The following GPR63 variants were observed in gnomAD, a reference collection of about 807,000 sequenced individuals.
GPR63 encodes probable G protein-coupled receptor 63.
In GPR63, 12 loss-of-function variants were observed where a neutral mutation model predicts 23.1. The observed-to-expected ratio is 0.52, with a 90% CI of 0.33 to 0.84. The LOEUF (loss-of-function observed/expected upper bound fraction) is 0.84, where lower values mean the gene tolerates loss of function less well. Ranked by LOEUF, GPR63 falls within the 40% of genes least tolerant of loss-of-function variation. The pLI is 0.02. For synonymous variants in GPR63, 172 were observed against 191.1 expected, an observed-to-expected ratio of 0.90 and a Z score of 0.82; for missense variants, 472 against 515.6, an observed-to-expected ratio of 0.92 and a Z score of 0.82.
At chr6:96,828,308 T>A (rs371303937) in intron 1 of GPR63, among the ~76,000 whole-genome samples, 1 of 152,072 alleles carries the variant, frequency 6.6e-6, no homozygotes, top group Non-Finnish European at 1.5e-5. Flanking sequence ...AGAGATCTTA[T>A]TGGATCAGGG....
chr6:96,818,719 A>G (rs960954657), intron 1 of GPR63, among the ~76,000 whole-genome samples: 2 of 152,202 alleles, frequency 1.3e-5, no homozygotes, highest in Admixed American at 6.5e-5. Flanking sequence ...CAAAATATTA[A>G]CACACATCAG....
intron 1 of GPR63, among the ~76,000 whole-genome samples, chr6:96,814,830 A>C (rs1184709161): frequency 6.6e-6 from 1 of 151,880 alleles, no homozygotes; most frequent in Non-Finnish European, 1.5e-5. Context: ...AAAATGACCA[A>C]AAAAAAATGT....
intron 1 of GPR63, among the ~76,000 whole-genome samples, chr6:96,800,166 T>C (rs1356381000): frequency 6.6e-6 from 1 of 152,242 alleles, no homozygotes; most frequent in Admixed American, 6.5e-5. Flanking sequence ...CTGTTAATTT[T>C]TAAAATATTT....
In GPR63 at chr6:96,798,539, C is replaced by T; in HGVS notation, c.1193G>A (p.Gly398Asp). 1.2e-6 allele frequency: 2 copies of T among 1,614,160 alleles called. No homozygotes were observed. The highest frequency in any genetic ancestry group is 1.7e-6 in the Non-Finnish European group (2 of 1,180,034). Residue 398 changes from glycine (G) to aspartate (D), a missense_variant, in exon 2 of 2, where the codon GGT becomes GAT. By Grantham distance (94) the Gly-to-Asp change is moderately conservative (BLOSUM62 -1). Transcript: ENST00000229955. ...KSFKFLPQLP[G>D]HTKRRIRPSA... Reference sequence around the variant, plus strand: ...AGGACGTATCCGTCGCTTTGTGTGACCAGGGAGCTGCGGCAAAAACTTGAA... The same window carrying T: ...AGGACGTATCCGTCGCTTTGTGTGATCAGGGAGCTGCGGCAAAAACTTGAA...
chr6:96,822,832 C>G lies in GPR63; in HGVS notation c.-151+14436G>C, dbSNP rs149515911. Among the ~76,000 whole-genome samples, 7 of 152,274 alleles carry G rather than the reference C, an allele frequency of 4.6e-5. No individual in the cohort carries two copies. The East Asian group carries it at 1.4e-3, about 29-fold the overall frequency. ...CTGTGAAGAAAAACTCAGGATGCTACAAGAGTGAAAAACAGTGAAAACATA... is the reference window on the plus strand; with the variant it reads ...CTGTGAAGAAAAACTCAGGATGCTAGAAGAGTGAAAAACAGTGAAAACATA... On this transcript the variant is annotated intron_variant, in intron 1 of 1. Coordinates refer to ENST00000229955, the MANE Select transcript of GPR63 (RefSeq NM_030784.4).
chr6:96,824,964 A>G (rs1193602004), intron 1 of GPR63, among the ~76,000 whole-genome samples: 1 of 152,226 alleles, frequency 6.6e-6, no homozygotes, highest in Non-Finnish European at 1.5e-5. Flanking sequence ...CGTGCACACA[A>G]TAGTCAGAAA....
In GPR63 at chr6:96,799,007, T is replaced by C; in HGVS notation, c.725A>G (p.Tyr242Cys). 1 of 1,614,084 alleles carries C rather than the reference T, an allele frequency of 6.2e-7. No individual in the cohort carries two copies. Among genetic ancestry groups the C allele is most frequent in the Non-Finnish European group, 8.5e-7 (1 of 1,180,016 alleles). Residue 242 changes from tyrosine (Y) to cysteine (C), a missense_variant, in exon 2 of 2, where the codon TAT (tyrosine) becomes TGT (cysteine). Tyr to Cys is a radical substitution (Grantham distance 194, BLOSUM62 -2). Transcript: ENST00000229955. ...AGAAATGAGAGAAATCAAAATCACA[T>C]AAGCCTGGTAGCCTGGATTGGTTGT... ...GYTTNPGYQA[Y>C]VILISLISFF...
At position 96,799,518 on chromosome 6, in the gene GPR63, C is replaced by T. The variant is rs776471234; in HGVS notation, c.214G>A (p.Ala72Thr). 2 of 1,614,022 alleles carry T rather than the reference C, an allele frequency of 1.2e-6. No individual in the cohort carries two copies. The highest frequency in any genetic ancestry group is 1.7e-6 in the Non-Finnish European group (2 of 1,180,026). ...NSTAVPTTPA[A>T]FKSLNLPLQI... ...AGAGGCAAGTTTAGGCTCTTAAATG[C>T]TGCTGGTGTTGTGGGCACAGCTGTA... Residue 72 changes from alanine to threonine, a missense_variant, in exon 2 of 2, where the codon GCA becomes ACA. Coordinates refer to ENST00000229955, the MANE Select transcript of GPR63 (RefSeq NM_030784.4).
chr6:96,824,742 G>A (rs1774397121), intron 1 of GPR63, among the ~76,000 whole-genome samples: 1 of 152,066 alleles, frequency 6.6e-6, no homozygotes, highest in Non-Finnish European at 1.5e-5. Context: ...AAAGGGTCCA[G>A]TGGGAGGTTG....
At chr6:96,801,768 T>A (rs1015489360) in intron 1 of GPR63, among the ~76,000 whole-genome samples, 1 of 152,228 alleles carries the variant, frequency 6.6e-6, no homozygotes, top group African/African-American at 2.4e-5. Context: ...CTAGATTTTA[T>A]CTATCCTCAC....
At chr6:96,820,038 C>T (rs1774273607) in intron 1 of GPR63, among the ~76,000 whole-genome samples, 1 of 150,334 alleles carries the variant, frequency 6.7e-6, no homozygotes, top group Non-Finnish European at 1.5e-5. Flanking sequence ...GTCTGTGGTA[C>T]ATTCTCCTCC....
chr6:96,824,099 A>G (rs1345083876), intron 1 of GPR63, among the ~76,000 whole-genome samples: 1 of 152,142 alleles, frequency 6.6e-6, no homozygotes, highest in Admixed American at 6.6e-5. Flanking sequence ...TAGGCTAAAG[A>G]CTAGTGTATT....
intron 1 of GPR63, among the ~76,000 whole-genome samples, chr6:96,804,091 C>T (rs1393344198): frequency 6.6e-6 from 1 of 152,184 alleles, no homozygotes; most frequent in Admixed American, 6.5e-5. Flanking sequence ...CAATGCTGGG[C>T]TATCAGGTTA....
intron 1 of GPR63, among the ~76,000 whole-genome samples, chr6:96,831,065 G>C (rs1435371518): frequency 1.3e-5 from 2 of 152,192 alleles, no homozygotes; most frequent in African/African-American, 4.8e-5. Flanking sequence ...TATTTTAAAT[G>C]TTAAGAGTCC....
At chr6:96,827,292 A>G (rs1774467341) in intron 1 of GPR63, among the ~76,000 whole-genome samples, 1 of 152,166 alleles carries the variant, frequency 6.6e-6, no homozygotes, top group African/African-American at 2.4e-5. Flanking sequence ...GGCGTATTAG[A>G]CATAGTTGAA....
At chr6:96,814,911 T>C (rs1774126386) in intron 1 of GPR63, among the ~76,000 whole-genome samples, 1 of 152,214 alleles carries the variant, frequency 6.6e-6, no homozygotes, top group South Asian at 2.1e-4. Flanking sequence ...AGCCAAAATG[T>C]GGATAAGGAA....
intron 1 of GPR63, among the ~76,000 whole-genome samples, chr6:96,818,425 T>G (rs951120716): frequency 4.6e-5 from 7 of 151,994 alleles, no homozygotes; most frequent in African/African-American, 1.5e-4. Flanking sequence ...ATCGCAGCAC[T>G]GTACTCCAGC....
At chr6:96,813,171 A>G (rs1028023168) in intron 1 of GPR63, among the ~76,000 whole-genome samples, 1 of 152,100 alleles carries the variant, frequency 6.6e-6, no homozygotes, top group Non-Finnish European at 1.5e-5. Context: ...TGCAAATAAC[A>G]TGCTTTCATT....
chr6:96,802,284 TA>T (rs1773784931), intron 1 of GPR63, among the ~76,000 whole-genome samples: 1 of 152,188 alleles, frequency 6.6e-6, no homozygotes, highest in African/African-American at 2.4e-5. Context: ...CCCACAACTA[TA>T]AAAACTTCTA....
Sources: gnomAD v4.1 joint callset for allele counts (sites outside exome capture counted in the v4.1 genomes callset) on GRCh38, gnomAD v4.1.1 for gene constraint, MANE v1.5 for transcripts, NCBI Gene and HGNC (gene_info 2026-07-23, HGNC 2026-07-21) for gene names.